The following CSMD1 variants were observed in gnomAD, a reference collection of about 807,000 sequenced individuals.
CSMD1 encodes the protein CUB and sushi domain-containing protein 1.
Under a neutral mutation model 417.5 loss-of-function variants are expected in CSMD1, and 213 were observed. That is an observed-to-expected ratio of 0.51 (90% confidence interval 0.46 to 0.57). The LOEUF is 0.57. Ranked by LOEUF, CSMD1 falls within the 20% of genes least tolerant of loss-of-function variation. The probability of loss-of-function intolerance (pLI) is 0.00; values close to 1 mark genes in which losing one functional copy is unlikely to be tolerated. For synonymous variants in CSMD1, 2,862 were observed against 1,736.8 expected (o/e 1.65, Z -16.11); for missense variants, 6,923 against 4,529.7 (o/e 1.53, Z -15.17).
intron 1 of CSMD1, among the ~76,000 whole-genome samples, chr8:4,761,878 T>TCTACCTAC (rs1812106305): frequency 1.8e-5 from 2 of 108,452 alleles, no homozygotes; most frequent in East Asian, 2.7e-4. Flanking sequence ...TATCTATCTA[T>TCTACCTAC]CTATCTATCT....
intron 25 of CSMD1, 27 bp from the exon 26 acceptor site, chr8:3,284,373 C>G: frequency 6.4e-7 from 1 of 1,573,302 alleles, no homozygotes. Flanking sequence ...AGTAGCGCTA[C>G]TTGCCGTGCA....
chr8:3,569,614 T>C lies in CSMD1; in HGVS notation c.1344+5331A>G, dbSNP rs79438139. ...TCACTGATGCTTCTGGCAAGAGTCA[T>C]TGCATGGAAACTTTATGTAACTGTT... On this transcript the variant is annotated intron_variant, in intron 10 of 69. Coordinates refer to ENST00000635120, the MANE Select transcript of CSMD1 (RefSeq NM_033225.6). Among the ~76,000 whole-genome samples, 648 of 152,326 alleles carry C rather than the reference T, an allele frequency of 4.3e-3. 4 individuals are homozygous for C. Among genetic ancestry groups the C allele is most frequent in the Non-Finnish European group, 7.6e-3 (517 of 68,024 alleles).
chr8:3,083,610 T>TTTA lies in CSMD1; in HGVS notation c.7474+3486_7474+3487insTAA, dbSNP rs1563320333. Among the ~76,000 whole-genome samples the TTTA allele has an allele frequency of 3.2e-4, 10 of 30,930 alleles. 1 individual carries two copies. The highest frequency in any genetic ancestry group is 1.1e-3 in the African/African-American group (8 of 7,216). 20.3% of individuals were successfully genotyped at this position (30,930 alleles called of 152,430 possible). On this transcript the variant is annotated intron_variant, in intron 49 of 69. Coordinates refer to ENST00000635120, the MANE Select transcript of CSMD1 (RefSeq NM_033225.6). ...TCCACGGTGACAGTTACCATAATTT[T>TTTA]TATATATATATATATATATATATAT...
At position 4,265,387 on chromosome 8, in the gene CSMD1, A is replaced by G. The variant is rs558125851; in HGVS notation, c.415+154566T>C. Among the ~76,000 whole-genome samples, 39 of 45,006 alleles carry G rather than the reference A, an allele frequency of 8.7e-4. 4 individuals are homozygous for G. The highest frequency in any genetic ancestry group is 1.3e-3 in the African/African-American group (35 of 26,820). 29.5% of individuals were successfully genotyped at this position (45,006 alleles called of 152,430 possible). A position where few individuals can be genotyped will look rare whatever the true frequency, so the allele number is the denominator to read the frequency against. ...TATCATTTGACATGTTACAATTAGT[A>G]AACAGTTAATGCACCATATTCAGAG... On this transcript the variant is annotated intron_variant, in intron 3 of 69. Coordinates refer to ENST00000635120, the MANE Select transcript of CSMD1 (RefSeq NM_033225.6).
chr8:4,129,643 G>A (rs954983768), intron 3 of CSMD1, among the ~76,000 whole-genome samples: 2 of 152,000 alleles, frequency 1.3e-5, no homozygotes, highest in African/African-American at 4.8e-5. Context: ...AATTTGGTAG[G>A]ATATTCTCTT....
chr8:3,184,740 A>G (rs551657568), intron 36 of CSMD1, among the ~76,000 whole-genome samples: 11 of 152,316 alleles, frequency 7.2e-5, no homozygotes, highest in South Asian at 2.1e-4. Flanking sequence ...AATCTTTACC[A>G]TGGCTGGGAA....
chr8:4,613,162 C>T (rs1029199799), intron 2 of CSMD1, among the ~76,000 whole-genome samples: 2 of 152,086 alleles, frequency 1.3e-5, no homozygotes, highest in African/African-American at 4.8e-5. Flanking sequence ...CATAAGAGAA[C>T]AAGAACAATT....
chr8:2,973,664 G>GAA (rs72080091), intron 56 of CSMD1, among the ~76,000 whole-genome samples: 3 of 147,650 alleles, frequency 2.0e-5, no homozygotes, highest in Non-Finnish European at 3.0e-5. Flanking sequence ...GGAATGTGGG[G>GAA]AAAAAAAAAA....
rs542925151 is a variant in CSMD1, at chr8:4,845,291, C to T, written c.85+149041G>A. 5.9e-5 allele frequency among the ~76,000 whole-genome samples: 9 copies of T among 152,206 alleles called. No homozygotes were observed. In the South Asian group the frequency reaches 6.2e-4, roughly 11 times the overall value. On this transcript the variant is annotated intron_variant, in intron 1 of 69. Coordinates refer to ENST00000635120, the MANE Select transcript of CSMD1 (RefSeq NM_033225.6). ...CATCAACATTTTTCGATTTAGAAAA[C>T]GAACACTGTTAATGTGCTGGTTGTT...
At chr8:3,426,118 G>A (rs981204991) in intron 12 of CSMD1, among the ~76,000 whole-genome samples, 28 of 152,226 alleles carry the variant, frequency 1.8e-4, no homozygotes, top group South Asian at 1.7e-3. Context: ...ACTTGGTAAC[G>A]TTTTCCAAAT....
chr8:3,298,066 A>G (rs79450391), intron 25 of CSMD1, among the ~76,000 whole-genome samples: 5,361 of 152,296 alleles, frequency 0.035, 205 homozygotes, highest in Admixed American at 0.11. Flanking sequence ...AATGGCTAAA[A>G]TGAAAAAACA....
intron 19 of CSMD1, among the ~76,000 whole-genome samples, chr8:3,367,614 G>A (rs1049342675): frequency 6.6e-6 from 1 of 152,142 alleles, no homozygotes; most frequent in Middle Eastern, 3.2e-3. Flanking sequence ...TTGGTGGAAA[G>A]AGGACGGCTT....
chr8:3,903,406 C>T (rs182566002), intron 5 of CSMD1, among the ~76,000 whole-genome samples: 13 of 152,108 alleles, frequency 8.5e-5, no homozygotes, highest in Non-Finnish European at 1.5e-4. Flanking sequence ...CTTTCCAATG[C>T]CAGAGCATTA....
intron 10 of CSMD1, among the ~76,000 whole-genome samples, chr8:3,569,537 C>A (rs1315816897): frequency 6.6e-6 from 1 of 152,176 alleles, no homozygotes; most frequent in Non-Finnish European, 1.5e-5. Flanking sequence ...AGTTTGCAGA[C>A]CAGGTCAAAC....
At chr8:3,886,874 G>A (rs1446570153) in intron 5 of CSMD1, among the ~76,000 whole-genome samples, 1 of 152,140 alleles carries the variant, frequency 6.6e-6, no homozygotes, top group African/African-American at 2.4e-5. Context: ...ACACTATACT[G>A]GCTCTCGCAT....
intron 40 of CSMD1, among the ~76,000 whole-genome samples, chr8:3,146,071 AT>A (rs1480559536): frequency 6.6e-6 from 1 of 152,212 alleles, no homozygotes; most frequent in East Asian, 1.9e-4. Context: ...TACCTATGGA[AT>A]TTATTGAACA....
rs75835102 is a variant in CSMD1, at chr8:4,832,790, G to C, written c.85+161542C>G. 2.2e-3 allele frequency among the ~76,000 whole-genome samples: 331 copies of C among 152,274 alleles called. 6 individuals carry two copies. In the East Asian group the frequency reaches 0.054, roughly 25 times the overall value. On this transcript the variant is annotated intron_variant, in intron 1 of 69. Transcript: ENST00000635120. ...AGAACCATTAAAAAGTGGACCCAGA[G>C]AGCCGAGACATTCATCCTCAGGGTC...
intron 34 of CSMD1, 42 bp from the exon 35 acceptor site, chr8:3,189,053 G>A: frequency 1.9e-6 from 3 of 1,581,788 alleles, no homozygotes; most frequent in Admixed American, 1.7e-5. Flanking sequence ...AGTGCTGTGG[G>A]ACAGTGTTGA....
intron 37 of CSMD1, among the ~76,000 whole-genome samples, chr8:3,179,724 T>G (rs1020810650): frequency 2.0e-5 from 3 of 152,230 alleles, no homozygotes; most frequent in Non-Finnish European, 4.4e-5. Context: ...TTTTAAATAC[T>G]ATCATAAACA....
Sources: gnomAD v4.1 joint callset for allele counts (sites outside exome capture counted in the v4.1 genomes callset) on GRCh38, gnomAD v4.1.1 for gene constraint, MANE v1.5 for transcripts, NCBI Gene and HGNC (gene_info 2026-07-23, HGNC 2026-07-21) for gene names.